CNBD1: variants seen among roughly 807,000 people sequenced by gnomAD.
CNBD1 encodes cyclic nucleotide-binding domain-containing protein 1.
CNBD1 carries 71 observed loss-of-function variants against 54.4 expected under a neutral mutation model. The ratio of observed to expected loss-of-function variants is 1.30; its 90% CI spans 1.08 to 1.59. CNBD1 has a LOEUF of 1.59. CNBD1 is among the 40% of genes most tolerant of loss of function. CNBD1 has a pLI of 0.00. For synonymous variants in CNBD1, 182 were observed against 170.7 expected (o/e 1.07, Z -0.51); for missense variants, 659 against 518.0 (o/e 1.27, Z -2.64).
At chr8:87,338,884 T>C (rs1810007531) in intron 8 of CNBD1, among the ~76,000 whole-genome samples, 1 of 152,096 alleles carries the variant, frequency 6.6e-6, no homozygotes, top group Non-Finnish European at 1.5e-5. Flanking sequence ...GTAAGGTGTG[T>C]GGGTGAGGGG....
chr8:86,877,795 T>G (rs1309964928), intron 1 of CNBD1, among the ~76,000 whole-genome samples: 1 of 152,172 alleles, frequency 6.6e-6, no homozygotes, highest in Non-Finnish European at 1.5e-5. Context: ...CTCTTATTTC[T>G]GTTTGCTTAC....
intron 4 of CNBD1, among the ~76,000 whole-genome samples, chr8:87,063,464 C>G (rs1810585457): frequency 1.3e-5 from 2 of 152,014 alleles, no homozygotes; most frequent in Non-Finnish European, 2.9e-5. Flanking sequence ...GTTCTGGGCT[C>G]TATTTTCTTG....
At chr8:87,391,413 C>A (rs563417586) in intron 2 of CNBD1, among the ~76,000 whole-genome samples, 2 of 152,144 alleles carry the variant, frequency 1.3e-5, no homozygotes, top group East Asian at 3.9e-4. Context: ...CCAGAACAAT[C>A]CTGAAAGAGA....
intron 8 of CNBD1, among the ~76,000 whole-genome samples, chr8:87,318,821 A>T (rs1344784657): frequency 6.6e-6 from 1 of 152,054 alleles, no homozygotes; most frequent in Non-Finnish European, 1.5e-5. Flanking sequence ...GACAGGAAGG[A>T]TAGTCATGGT....
intron 4 of CNBD1, among the ~76,000 whole-genome samples, chr8:87,184,771 C>T (rs142512463): frequency 2.0e-5 from 3 of 152,068 alleles, no homozygotes; most frequent in East Asian, 3.9e-4. Context: ...TTCTGAAGAT[C>T]TATTCAGAGT....
rs148617631 is a variant in CNBD1, at chr8:87,261,431, G to A, written c.772-23247G>A. 1.2e-4 allele frequency among the ~76,000 whole-genome samples: 18 copies of A among 150,230 alleles called. 1 individual carries two copies. In the East Asian group the frequency reaches 3.4e-3, roughly 28 times the overall value. ...GAATTAAATTTAATGGAGTTTAATT[G>A]AGCAATGAACCATTCATGAATCAAG... On this transcript the variant is annotated intron_variant, in intron 6 of 10. Transcript: ENST00000518476.
intron 4 of CNBD1, among the ~76,000 whole-genome samples, chr8:86,946,635 G>A (rs187343882): frequency 1.9e-4 from 29 of 152,110 alleles, no homozygotes; most frequent in Admixed American, 9.2e-4. Flanking sequence ...GTAACAGAAC[G>A]TACTTGTCAT....
intron 4 of CNBD1, among the ~76,000 whole-genome samples, chr8:87,087,243 A>ATACGTATATATATATG (rs1811113625): frequency 7.0e-6 from 1 of 142,038 alleles, no homozygotes; most frequent in East Asian, 2.0e-4. Flanking sequence ...ACATATATAT[A>ATACGTATATATATATG]TACGTATATA....
intron 4 of CNBD1, among the ~76,000 whole-genome samples, chr8:86,941,483 T>A (rs978564052): frequency 6.6e-6 from 1 of 152,230 alleles, no homozygotes; most frequent in South Asian, 2.1e-4. Context: ...TTTCAGGTTG[T>A]GCTGGGCTGT....
intron 4 of CNBD1, among the ~76,000 whole-genome samples, chr8:87,164,369 AT>A (rs933271604): frequency 1.3e-5 from 2 of 151,474 alleles, no homozygotes; most frequent in East Asian, 1.9e-4. Flanking sequence ...ATTGGTATTA[AT>A]TTTTTTTAAT....
chr8:86,900,770 CTTAAG>C (rs1181898607), intron 2 of CNBD1, among the ~76,000 whole-genome samples: 4 of 152,174 alleles, frequency 2.6e-5, no homozygotes, highest in Admixed American at 2.0e-4. Flanking sequence ...GTAGGGAGAA[CTTAAG>C]TTAGTTATTT....
At chr8:87,170,263 T>G (rs1813057194) in intron 4 of CNBD1, among the ~76,000 whole-genome samples, 1 of 152,164 alleles carries the variant, frequency 6.6e-6, no homozygotes, top group Non-Finnish European at 1.5e-5. Context: ...TTTTATAACC[T>G]GCAACTTTAC....
intron 4 of CNBD1, among the ~76,000 whole-genome samples, chr8:87,040,431 T>C (rs986449896): frequency 4.0e-5 from 6 of 150,256 alleles, no homozygotes; most frequent in Non-Finnish European, 7.4e-5. Flanking sequence ...TTCTTTTTTT[T>C]TTTTTTTTTT....
chr8:87,178,985 G>A (rs1025729900), intron 4 of CNBD1, among the ~76,000 whole-genome samples: 3 of 152,102 alleles, frequency 2.0e-5, no homozygotes, highest in Non-Finnish European at 4.4e-5. Flanking sequence ...TCGGCTCACC[G>A]CAACCTCTGC....
At chr8:87,257,400 A>C in intron 6 of CNBD1, among the ~76,000 whole-genome samples, 1 of 151,794 alleles carries the variant, frequency 6.6e-6, no homozygotes, top group South Asian at 2.1e-4. Flanking sequence ...ATGACAATTG[A>C]ATGAAATTTC....
At chr8:87,424,469 T>C (rs547020926) in intron 2 of CNBD1, among the ~76,000 whole-genome samples, 1 of 152,224 alleles carries the variant, frequency 6.6e-6, no homozygotes, top group Non-Finnish European at 1.5e-5. Flanking sequence ...GATTCTGGTA[T>C]GTTGTGTCTT....
intron 4 of CNBD1, among the ~76,000 whole-genome samples, chr8:87,054,639 A>G (rs189674173): frequency 6.6e-6 from 1 of 152,224 alleles, no homozygotes; most frequent in Non-Finnish European, 1.5e-5. Flanking sequence ...AAAGGAAGAA[A>G]ATGCAACAGA....
chr8:87,233,145 T>G (rs1213626765), intron 5 of CNBD1, among the ~76,000 whole-genome samples: 1 of 152,168 alleles, frequency 6.6e-6, no homozygotes, highest in Non-Finnish European at 1.5e-5. Context: ...AATAATACGT[T>G]TAAAATACAT....
intron 4 of CNBD1, among the ~76,000 whole-genome samples, chr8:87,199,138 C>T (rs1176641739): frequency 6.6e-6 from 1 of 152,172 alleles, no homozygotes; most frequent in African/African-American, 2.4e-5. Flanking sequence ...GATCCAAACA[C>T]CTCGCGGGGA....
Sources: allele counts gnomAD v4.1 joint callset (sites outside exome capture counted in the v4.1 genomes callset), GRCh38; gene constraint gnomAD v4.1.1; transcripts MANE v1.5; gene names NCBI Gene and HGNC (gene_info 2026-07-23, HGNC 2026-07-21).